Variants in MAGI1 observed in about 807,000 individuals in gnomAD.
MAGI1 encodes the protein membrane-associated guanylate kinase, WW and PDZ domain-containing protein 1.
A neutral mutation model predicts 139.9 loss-of-function variants in MAGI1; 58 were observed. The observed-to-expected ratio is 0.41, with a 90% CI of 0.34 to 0.52. The LOEUF is 0.52. Among genes scored for constraint, MAGI1 ranks in the 20% least tolerant of loss-of-function variants. The pLI, the probability that MAGI1 is intolerant of heterozygous loss-of-function variation, is 0.12. For synonymous variants in MAGI1, 812 were observed against 737.9 expected, an observed-to-expected ratio of 1.10 and a Z score of -1.63; for missense variants, 1,874 against 1,901.6, an observed-to-expected ratio of 0.99 and a Z score of 0.27.
chr3:65,732,772 C>T (rs1226615956), intron 1 of MAGI1, among the ~76,000 whole-genome samples: 1 of 152,182 alleles, frequency 6.6e-6, no homozygotes, highest in Non-Finnish European at 1.5e-5. Flanking sequence ...AAGTCTGATC[C>T]ACTTCCTGGA....
intron 2 of MAGI1, chr3:65,549,553 G>C (rs1330618149): frequency 3.5e-6 from 3 of 866,256 alleles, no homozygotes; most frequent in African/African-American, 1.8e-5. Context: ...CAGTAGGCTC[G>C]GCCAGGGTGT....
chr3:65,459,667 C>G (rs1264611342), intron 5 of MAGI1, among the ~76,000 whole-genome samples: 1 of 152,106 alleles, frequency 6.6e-6, no homozygotes, highest in Non-Finnish European at 1.5e-5. Flanking sequence ...ACCACGGGAA[C>G]AGCTCAGCAC....
Position 66,037,828 on chromosome 3 carries a change from C to T in MAGI1, c.313+168G>A, listed in dbSNP as rs529011574. ...TTCGAAACGCAGGTGGGCAAACAAC[C>T]CTCAACCTCGCAACAACTTTGTGTA... On this transcript the variant is annotated intron_variant, in intron 1 of 22. Coordinates refer to ENST00000402939, the MANE Select transcript of MAGI1 (RefSeq NM_001033057.2). Among the ~76,000 whole-genome samples, 7 of 152,338 alleles carry T rather than the reference C, an allele frequency of 4.6e-5. 1 individual carries two copies. The highest frequency in any genetic ancestry group is 1.0e-4 in the Non-Finnish European group (7 of 68,038).
chr3:65,676,714 C>T (rs1169035693), intron 1 of MAGI1, among the ~76,000 whole-genome samples: 1 of 152,152 alleles, frequency 6.6e-6, no homozygotes, highest in Admixed American at 6.5e-5. Context: ...TTATCTACCC[C>T]CTTCTTCTCA....
intron 3 of MAGI1, among the ~76,000 whole-genome samples, chr3:65,485,967 A>T (rs1951601650): frequency 6.6e-6 from 1 of 152,186 alleles, no homozygotes; most frequent in African/African-American, 2.4e-5. Context: ...CACAGATTTC[A>T]TTTGGTCACT....
chr3:65,784,975 T>G lies in MAGI1; in HGVS notation c.314-162887A>C, dbSNP rs2039265320. On this transcript the variant is annotated intron_variant, in intron 1 of 22. Transcript: ENST00000402939. ...TGGCGGTGGAGGGCAGAGAAGGAAA[T>G]GACTACTAATGGATATAGGATTCCT... Among the ~76,000 whole-genome samples the G allele has an allele frequency of 2.0e-5, 3 of 152,134 alleles. 1 individual carries two copies. The South Asian group carries it at 6.2e-4, about 32-fold the overall frequency.
At chr3:65,740,128 C>T (rs2047533) in intron 1 of MAGI1, among the ~76,000 whole-genome samples, 140,116 of 152,246 alleles carry the variant, frequency 0.92, 65,595 homozygotes, top group East Asian at 1. Context: ...TGCATGCGTA[C>T]TCCCACACAC....
At chr3:65,979,993 C>T (rs1025615615) in intron 1 of MAGI1, among the ~76,000 whole-genome samples, 5 of 152,160 alleles carry the variant, frequency 3.3e-5, no homozygotes, top group Admixed American at 1.3e-4. Flanking sequence ...CCCGGAAAAG[C>T]TGCTGAGCAC....
intron 1 of MAGI1, among the ~76,000 whole-genome samples, chr3:66,012,766 A>AC (rs59444517): frequency 2.1e-5 from 1 of 47,954 alleles, no homozygotes; most frequent in Non-Finnish European, 6.0e-5. Context: ...ACTCCATCTC[A>AC]AAAAAAAAAA....
At chr3:65,990,837 C>A (rs1017116407) in intron 1 of MAGI1, among the ~76,000 whole-genome samples, 1 of 152,054 alleles carries the variant, frequency 6.6e-6, no homozygotes, top group African/African-American at 2.4e-5. Context: ...AATCTCAGAT[C>A]TCAGCTGGAT....
chr3:65,411,469 G>A (rs1945787939), intron 12 of MAGI1, among the ~76,000 whole-genome samples: 1 of 152,160 alleles, frequency 6.6e-6, no homozygotes, highest in African/African-American at 2.4e-5. Flanking sequence ...ATTTGAGAGG[G>A]TGATTTTTAA....
intron 1 of MAGI1, among the ~76,000 whole-genome samples, chr3:65,701,057 A>G (rs1450942775): frequency 6.6e-6 from 1 of 152,222 alleles, no homozygotes; most frequent in Non-Finnish European, 1.5e-5. Context: ...TGTCCACAAT[A>G]TAGCTTAAGG....
At position 65,612,502 on chromosome 3, in the gene MAGI1, C is replaced by T. The variant is rs1417565294; in HGVS notation, c.430+9470G>A. 4.6e-5 allele frequency among the ~76,000 whole-genome samples: 7 copies of T among 151,994 alleles called. No individual in the cohort carries two copies. The East Asian group carries it at 7.7e-4, about 17-fold the overall frequency. Reference sequence around the variant, plus strand: ...ATGTGTTATTGGTTAATTTTAAATGCAATAAAAAAATATGTCATTGATCAT... The same window carrying T: ...ATGTGTTATTGGTTAATTTTAAATGTAATAAAAAAATATGTCATTGATCAT... On this transcript the variant is annotated intron_variant, in intron 2 of 22. Transcript: ENST00000402939.
rs181257492 is a variant in MAGI1, at chr3:65,450,849, C to A, written c.1042+2409G>T. ...GACCTACAGAGAACAGAAAGAAATACAGGGACAATATTTGCAACCAATATG... is the reference window on the plus strand; with the variant it reads ...GACCTACAGAGAACAGAAAGAAATAAAGGGACAATATTTGCAACCAATATG... On this transcript the variant is annotated intron_variant, in intron 6 of 22. Transcript: ENST00000402939. Among the ~76,000 whole-genome samples, 477 of 152,208 alleles carry A rather than the reference C, an allele frequency of 3.1e-3. 12 individuals are homozygous for A. The South Asian group carries it at 0.049, about 16-fold the overall frequency.
At chr3:65,896,123 C>A (rs1020886589) in intron 1 of MAGI1, among the ~76,000 whole-genome samples, 1 of 152,108 alleles carries the variant, frequency 6.6e-6, no homozygotes, top group East Asian at 1.9e-4. Flanking sequence ...CCACCCACTG[C>A]GGTATTTTTC....
intron 1 of MAGI1, among the ~76,000 whole-genome samples, chr3:65,840,440 T>C (rs945624110): frequency 5.9e-5 from 9 of 152,238 alleles, no homozygotes; most frequent in Non-Finnish European, 1.2e-4. Flanking sequence ...TTTCCTTCTA[T>C]TCATACTTTC....
chr3:65,971,306 G>C (rs2065003911), intron 1 of MAGI1, among the ~76,000 whole-genome samples: 1 of 152,206 alleles, frequency 6.6e-6, no homozygotes, highest in African/African-American at 2.4e-5. Context: ...ATGTAGAACT[G>C]TGCTTCATTC....
intron 18 of MAGI1, among the ~76,000 whole-genome samples, chr3:65,368,258 A>T (rs577891093): frequency 1.1e-4 from 17 of 152,308 alleles, no homozygotes; most frequent in African/African-American, 3.8e-4. Context: ...TGACTTTTAA[A>T]ACTGCAAGGC....
At chr3:65,690,696 T>C (rs945867172) in intron 1 of MAGI1, among the ~76,000 whole-genome samples, 6 of 116,932 alleles carry the variant, frequency 5.1e-5, no homozygotes, top group Admixed American at 5.0e-4. Flanking sequence ...CCCAGGCTGG[T>C]TATGAACTCC....
Sources: allele counts gnomAD v4.1 joint callset (sites outside exome capture counted in the v4.1 genomes callset), GRCh38; gene constraint gnomAD v4.1.1; transcripts MANE v1.5; gene names NCBI Gene and HGNC (gene_info 2026-07-23, HGNC 2026-07-21).